The following NFIB variants were observed in gnomAD, a reference collection of about 807,000 sequenced individuals.
The protein encoded by NFIB is nuclear factor I B, also known as nuclear factor 1 B-type.
In NFIB, 11 loss-of-function variants were observed where a neutral mutation model predicts 61.5. The ratio of observed to expected loss-of-function variants is 0.18; its 90% CI spans 0.11 to 0.30. The LOEUF (loss-of-function observed/expected upper bound fraction) is 0.30, where lower values mean the gene tolerates loss of function less well. Among genes scored for constraint, NFIB ranks in the 10% least tolerant of loss-of-function variants. The pLI is 1.00. For synonymous variants in NFIB, 260 were observed against 216.5 expected (o/e 1.20, Z -1.76); for missense variants, 471 against 608.9 (o/e 0.77, Z 2.38).
chr9:14,459,091 G>A, the NFIB span, among the ~76,000 whole-genome samples: 61,092 of 151,392 alleles, frequency 0.4, 13,199 homozygotes, highest in Admixed American at 0.52. Context: ...AAAGCTGGAG[G>A]CATCACGCTA....
Position 14,125,764 on chromosome 9 carries a change from T to G in NFIB, c.928A>C (p.Met310Leu), listed in dbSNP as rs770414583. ...TTCTTCATAGTAGTCGGAGAAGACA[T>G]ATCTGCGAGAAACAGAGAAAAACCC... Reference protein sequence around the residue: ...SRTWHERDQDMSSPTTMKKPE... With the variant: ...SRTWHERDQDLSSPTTMKKPE... The change falls in exon 7 of 11, where the codon ATG becomes CTG. Residue 310 changes from methionine to leucine, a missense_variant and splice_region_variant. This residue lies in a region of NFIB where 372 missense variants were observed against 395.6 expected (regional missense o/e 0.94). Transcript: ENST00000380953. 6.2e-7 allele frequency: 1 copy of G among 1,613,778 alleles called. No individual in the cohort carries two copies. Among genetic ancestry groups the G allele is most frequent in the South Asian group, 1.1e-5 (1 of 91,020 alleles).
At chr9:14,389,507 A>T (rs1367828332) in intron 1 of NFIB, among the ~76,000 whole-genome samples, 1 of 152,228 alleles carries the variant, frequency 6.6e-6, no homozygotes, top group Non-Finnish European at 1.5e-5. Flanking sequence ...GTACACTTTA[A>T]ATATTTTAAG....
the NFIB span, among the ~76,000 whole-genome samples, chr9:14,413,990 G>A: frequency 1.3e-5 from 2 of 152,118 alleles, no homozygotes; most frequent in African/African-American, 4.8e-5. Context: ...TCAATTTCCA[G>A]CTTTATAGAT....
At chr9:14,465,560 G>A in the NFIB span, among the ~76,000 whole-genome samples, 27 of 138,402 alleles carry the variant, frequency 2.0e-4, no homozygotes, top group African/African-American at 6.7e-4. Flanking sequence ...TGTGATGAAT[G>A]AAATGACTTG....
the NFIB span, among the ~76,000 whole-genome samples, chr9:14,414,333 G>A: frequency 1.3e-5 from 2 of 151,306 alleles, no homozygotes; most frequent in Non-Finnish European, 2.9e-5. Context: ...TACTCGGGAG[G>A]CTGAGGCAGG....
intron 6 of NFIB, among the ~76,000 whole-genome samples, chr9:14,127,994 T>C (rs994359105): frequency 1.1e-4 from 16 of 146,342 alleles, no homozygotes; most frequent in East Asian, 7.9e-4. Flanking sequence ...AATGCCACTA[T>C]AAAAAAAGAA....
At chr9:14,364,689 G>T (rs1420327434) in intron 1 of NFIB, among the ~76,000 whole-genome samples, 2 of 152,158 alleles carry the variant, frequency 1.3e-5, no homozygotes, top group East Asian at 3.8e-4. Context: ...CCCTGAGCCA[G>T]CCCTTTAAGG....
intron 2 of NFIB, among the ~76,000 whole-genome samples, chr9:14,238,197 A>C (rs1280323954): frequency 6.6e-6 from 1 of 151,906 alleles, no homozygotes; most frequent in African/African-American, 2.4e-5. Flanking sequence ...AGCAGAAAGG[A>C]CAGACAGAGC....
chr9:14,168,270 T>C (rs544811772), intron 3 of NFIB, among the ~76,000 whole-genome samples: 111 of 152,252 alleles, frequency 7.3e-4, no homozygotes, highest in African/African-American at 2.6e-3. Context: ...CCTTGGATGA[T>C]AGGTATACAA....
At chr9:14,386,010 T>C (rs2061545586) in intron 1 of NFIB, among the ~76,000 whole-genome samples, 1 of 152,130 alleles carries the variant, frequency 6.6e-6, no homozygotes, top group Non-Finnish European at 1.5e-5. Context: ...CTCAAACTCC[T>C]GACCTCAGGT....
At chr9:14,356,173 G>A (rs1035247916) in intron 1 of NFIB, among the ~76,000 whole-genome samples, 10 of 152,086 alleles carry the variant, frequency 6.6e-5, no homozygotes, top group Admixed American at 2.0e-4. Flanking sequence ...ACACTAGTAC[G>A]CACTTTTTGT....
intron 1 of NFIB, among the ~76,000 whole-genome samples, chr9:14,308,829 G>A (rs1354684248): frequency 6.6e-6 from 1 of 152,186 alleles, no homozygotes; most frequent in Admixed American, 6.5e-5. Flanking sequence ...GGGGATCAGT[G>A]AGGAATGGTG....
At chr9:14,364,799 A>G (rs1564032795) in intron 1 of NFIB, among the ~76,000 whole-genome samples, 1 of 152,226 alleles carries the variant, frequency 6.6e-6, no homozygotes, top group Non-Finnish European at 1.5e-5. Context: ...TAGAATAAAA[A>G]GAAATTTTAG....
At chr9:14,209,781 T>C (rs2050121113) in intron 2 of NFIB, among the ~76,000 whole-genome samples, 1 of 152,222 alleles carries the variant, frequency 6.6e-6, no homozygotes, top group South Asian at 2.1e-4. Flanking sequence ...AAGATCTATT[T>C]ATTTTGCTAA....
At chr9:14,171,763 T>C (rs1220003428) in intron 3 of NFIB, among the ~76,000 whole-genome samples, 4 of 152,184 alleles carry the variant, frequency 2.6e-5, no homozygotes, top group Admixed American at 2.6e-4. Flanking sequence ...AAATGTTAAA[T>C]TGGAGTTAAC....
chr9:14,408,621 G>T, the NFIB span, among the ~76,000 whole-genome samples: 1 of 152,184 alleles, frequency 6.6e-6, no homozygotes, highest in African/African-American at 2.4e-5. Context: ...GGGAGGCTGA[G>T]AAATCTTATC....
intron 6 of NFIB, among the ~76,000 whole-genome samples, 182 bp from the exon 7 acceptor site, chr9:14,125,948 T>C (rs1044005416): frequency 3.3e-5 from 5 of 152,208 alleles, no homozygotes; most frequent in African/African-American, 9.6e-5. Context: ...TTGTTCAATC[T>C]CCATGGAAGC....
chr9:14,414,083 C>T, the NFIB span, among the ~76,000 whole-genome samples: 1 of 152,038 alleles, frequency 6.6e-6, no homozygotes, highest in Non-Finnish European at 1.5e-5. Flanking sequence ...TAGGTCCTCT[C>T]GGAAGTCTAG....
At chr9:14,149,205 G>A (rs141829198) in intron 5 of NFIB, among the ~76,000 whole-genome samples, 213 of 152,154 alleles carry the variant, frequency 1.4e-3, no homozygotes, top group African/African-American at 4.9e-3. Context: ...TGGTTTAACC[G>A]GAACTGATAT....
Sources: gnomAD v4.1 joint callset for allele counts (sites outside exome capture counted in the v4.1 genomes callset) on GRCh38, gnomAD v4.1.1 for gene constraint, gnomAD v4.1.1 regional missense constraint, MANE v1.5 for transcripts, NCBI Gene and HGNC (gene_info 2026-07-23, HGNC 2026-07-21) for gene names.